ERLEC1: variants seen among roughly 807,000 people sequenced by gnomAD.
ERLEC1 encodes ER lectin.
ERLEC1 carries 47 observed loss-of-function variants against 68.0 expected under a neutral mutation model. That is an observed-to-expected ratio of 0.69 (90% confidence interval 0.55 to 0.88). ERLEC1 has a LOEUF of 0.88. Ranked by LOEUF, ERLEC1 falls within the 40% of genes least tolerant of loss-of-function variation. ERLEC1 has a pLI of 0.00. For missense variants in ERLEC1, 567 were observed against 583.8 expected (o/e 0.97, Z 0.30); for synonymous variants, 225 against 203.2 (o/e 1.11, Z -0.91).
At chr2:53,803,396 C>T (rs1340598630) in intron 8 of ERLEC1, among the ~76,000 whole-genome samples, 4 of 152,174 alleles carry the variant, frequency 2.6e-5, no homozygotes, top group Admixed American at 2.6e-4. Flanking sequence ...TAAAAGTTAG[C>T]TCAATCAAAA....
chr2:53,787,883 A>G (rs1484901792), intron 1 of ERLEC1, among the ~76,000 whole-genome samples: 1 of 152,124 alleles, frequency 6.6e-6, no homozygotes, highest in Non-Finnish European at 1.5e-5. Flanking sequence ...TTCCTTTCCT[A>G]GTTGTTTCTG....
chr2:53,816,557 C>G (rs1198304486), intron 13 of ERLEC1, among the ~76,000 whole-genome samples: 1 of 152,008 alleles, frequency 6.6e-6, no homozygotes, highest in Non-Finnish European at 1.5e-5. Flanking sequence ...GTGTGAGCCA[C>G]CCGCACCCAG....
chr2:53,805,630 A>G (rs1005931090), intron 8 of ERLEC1, among the ~76,000 whole-genome samples: 2 of 147,302 alleles, frequency 1.4e-5, no homozygotes, highest in South Asian at 4.1e-4. Context: ...TATCTCTTCA[A>G]TATACTGATT....
intron 11 of ERLEC1, among the ~76,000 whole-genome samples, chr2:53,813,985 T>C (rs879376519): frequency 1.2e-4 from 19 of 152,194 alleles, no homozygotes; most frequent in Non-Finnish European, 2.4e-4. Context: ...ATTTTTCTTA[T>C]CCTTGTAGGT....
At chr2:53,802,296 C>T (rs1410799290) in intron 8 of ERLEC1, among the ~76,000 whole-genome samples, 2 of 152,186 alleles carry the variant, frequency 1.3e-5, no homozygotes, top group African/African-American at 4.8e-5. Flanking sequence ...TAATCTCACA[C>T]TCATCATTTT....
chr2:53,796,088 CT>C, intron 3 of ERLEC1, 75 bp downstream of exon 3: 1 of 1,030,322 alleles, frequency 9.7e-7, no homozygotes, highest in South Asian at 1.5e-5. Context: ...AATACCGTTT[CT>C]TCTTTATTAT....
Position 53,795,959 on chromosome 2 carries a change from T to C in ERLEC1, c.294T>C (p.Pro98=). ...AAGAAGAAAAGGATTATAAAGGCCC[T>C]AATCCAAGAGAGCTTTTGGAGCCAC... is the stretch of plus-strand genomic sequence containing the variant. ...DEEEEKDYKG[P]NPRELLEPLF... Residue 98 remains proline, a synonymous_variant, in exon 3 of 14, where the codon CCT becomes CCC. Transcript: ENST00000185150. The C allele has an allele frequency of 6.2e-7, 1 of 1,603,798 alleles. No individual in the cohort carries two copies. The highest frequency in any genetic ancestry group is 1.8e-5 in the Admixed American group (1 of 57,128).
At chr2:53,815,007 T>C (rs1003084184) in intron 13 of ERLEC1, 72 bp downstream of exon 13, 3 of 1,017,738 alleles carry the variant, frequency 2.9e-6, no homozygotes, top group Admixed American at 2.5e-5. Context: ...TTTTTTTTTT[T>C]TTTTTTTTTG....
At position 53,813,067 on chromosome 2, in the gene ERLEC1, C is replaced by T. The variant is rs149040324; in HGVS notation, c.1220C>T (p.Thr407Ile). ...CATCTTCAAGACGATGGTACCCAGA[C>T]AGTCAGGTAAAGATTCACTTTACTT... ...AYHLQDDGTQ[T>I]VRMVSHFYGN... is the part of the protein sequence containing the mutation. Residue 407 changes from threonine to isoleucine, a missense_variant, in exon 11 of 14, where the codon ACA becomes ATA. Physicochemically the swap from Thr to Ile is moderately conservative, Grantham distance 89. Transcript: ENST00000185150. 24 of 1,609,522 alleles carry T rather than the reference C, an allele frequency of 1.5e-5. No homozygotes were observed. In the African/African-American group the frequency reaches 3.1e-4, roughly 21 times the overall value.
In ERLEC1 at chr2:53,797,846, T is replaced by C. The variant is rs775107206; in HGVS notation, c.490+51T>C. ...AGTAATGCTGGAATTTGGTTTAAAA[T>C]ATATGTTCAAAATGGAATTTACGAG... is the stretch of plus-strand genomic sequence containing the variant. On this transcript the variant is annotated intron_variant, in intron 5 of 13. Coordinates refer to ENST00000185150, the MANE Select transcript of ERLEC1 (RefSeq NM_015701.5). 4.1e-5 allele frequency: 59 copies of C among 1,447,836 alleles called. No homozygotes were observed. The Middle Eastern group carries it at 7.1e-4, about 17-fold the overall frequency. 89.7% of individuals were successfully genotyped at this position (1,447,836 alleles called of 1,614,324 possible).
At chr2:53,814,506 T>C (rs1252896649) in intron 11 of ERLEC1, 37 bp from the exon 12 acceptor site, 2 of 1,478,002 alleles carry the variant, frequency 1.4e-6, no homozygotes, top group East Asian at 4.5e-5. Context: ...TTAGTGAGAT[T>C]TTAGTTTAAT....
chr2:53,813,834 A>C (rs1473341893), intron 11 of ERLEC1, among the ~76,000 whole-genome samples: 2 of 151,958 alleles, frequency 1.3e-5, no homozygotes, highest in Non-Finnish European at 2.9e-5. Context: ...ACATGTGCAC[A>C]ATGTGCAGGT....
At position 53,795,959 on chromosome 2, in the gene ERLEC1, T is replaced by A; in HGVS notation, c.294T>A (p.Pro98=). The A allele has an allele frequency of 6.2e-7, 1 of 1,603,798 alleles. No individual in the cohort carries two copies. The highest frequency in any genetic ancestry group is 8.5e-7 in the Non-Finnish European group (1 of 1,176,476). ...DEEEEKDYKG[P]NPRELLEPLF... ...AAGAAGAAAAGGATTATAAAGGCCC[T>A]AATCCAAGAGAGCTTTTGGAGCCAC... The change falls in exon 3 of 14, where the codon CCT becomes CCA. Residue 98 remains proline, a synonymous_variant. Transcript: ENST00000185150.
In ERLEC1 at chr2:53,805,503, C is replaced by T. The variant is rs145777327; in HGVS notation, c.880-2796C>T. 2.0e-4 allele frequency among the ~76,000 whole-genome samples: 30 copies of T among 152,264 alleles called. No homozygotes were observed. The East Asian group carries it at 5.2e-3, about 26-fold the overall frequency. Reference sequence around the variant, plus strand: ...AAAGTGCTAGGATTACAGGTGTGAACCACTGCAGCTGGACGACCCTACATT... The same window carrying T: ...AAAGTGCTAGGATTACAGGTGTGAATCACTGCAGCTGGACGACCCTACATT... On this transcript the variant is annotated intron_variant, in intron 8 of 13. Coordinates refer to ENST00000185150, the MANE Select transcript of ERLEC1 (RefSeq NM_015701.5).
intron 1 of ERLEC1, chr2:53,788,586 C>T (rs1369928381): frequency 6.6e-6 from 1 of 150,580 alleles, no homozygotes; most frequent in African/African-American, 2.5e-5. Flanking sequence ...TTTCTAGAGG[C>T]AGGGTCTCAC....
At chr2:53,800,206 T>TC (rs1445868693) in intron 6 of ERLEC1, among the ~76,000 whole-genome samples, 2 of 152,066 alleles carry the variant, frequency 1.3e-5, no homozygotes, top group East Asian at 3.9e-4. Flanking sequence ...TTATATTTTT[T>TC]CCCCATAGAA....
Position 53,808,456 on chromosome 2 carries a change from G to T in ERLEC1, c.1037G>T (p.Arg346Leu), listed in dbSNP as rs373252361. 9 of 1,613,220 alleles carry T rather than the reference G, an allele frequency of 5.6e-6. No homozygotes were observed. Among genetic ancestry groups the T allele is most frequent in the Non-Finnish European group, 7.6e-6 (9 of 1,179,928 alleles). Residue 346 changes from arginine (R) to leucine (L), a missense_variant, in exon 9 of 14, where the codon CGT becomes CTT. By Grantham distance (102) the Arg-to-Leu change is moderately radical. Coordinates refer to ENST00000185150, the MANE Select transcript of ERLEC1 (RefSeq NM_015701.5). ...TTTCTTAGTGGTTCTTACTGCTTTC[G>T]TGGGGTGAGAAGTAAATCTTCAGTT... is the stretch of plus-strand genomic sequence containing the variant. ...KEFLSGSYCF[R>L]GGVGWWKYEF...
intron 1 of ERLEC1, among the ~76,000 whole-genome samples, chr2:53,791,279 C>T (rs1675378300): frequency 6.6e-6 from 1 of 152,066 alleles, no homozygotes; most frequent in Non-Finnish European, 1.5e-5. Flanking sequence ...TATGTCAAAT[C>T]TCTAATAAAA....
intron 10 of ERLEC1, among the ~76,000 whole-genome samples, chr2:53,812,119 G>T (rs931899387): frequency 6.6e-6 from 1 of 152,086 alleles, no homozygotes; most frequent in Non-Finnish European, 1.5e-5. Context: ...TCTACATGTT[G>T]GTCAGGCCGG....
Sources: gnomAD v4.1 joint callset for allele counts (sites outside exome capture counted in the v4.1 genomes callset) on GRCh38, gnomAD v4.1.1 for gene constraint, MANE v1.5 for transcripts, NCBI Gene and HGNC (gene_info 2026-07-23, HGNC 2026-07-21) for gene names.